Variants in ATP2B2 observed in about 807,000 individuals in gnomAD.
ATP2B2 encodes the protein ATPase plasma membrane Ca2+ transporting 2, also known as plasma membrane calcium-transporting ATPase 2.
ATP2B2 carries 15 observed loss-of-function variants against 120.0 expected under a neutral mutation model. That is an observed-to-expected ratio of 0.12 (90% CI 0.08 to 0.19). The LOEUF (loss-of-function observed/expected upper bound fraction) is 0.19, where lower values mean the gene tolerates loss of function less well. ATP2B2 is among the 10% of genes least tolerant of loss of function. ATP2B2 has a pLI of 1.00. For missense variants in ATP2B2, 1,045 were observed against 1,719.8 expected, an observed-to-expected ratio of 0.61 and a Z score of 6.94; for synonymous variants, 694 against 700.3, an observed-to-expected ratio of 0.99 and a Z score of 0.14.
rs753517594 is a variant in ATP2B2 at position 10,371,920 on chromosome 3, G to T, written c.1548C>A (p.Val516=). 6.2e-7 allele frequency: 1 copy of T among 1,614,194 alleles called. No individual in the cohort carries two copies. The change falls in exon 12 of 23, where the codon GTC becomes GTA. Residue 516 remains valine (V), a synonymous_variant. Transcript: ENST00000360273. ...TNRMTVVQAY[V]GDVHYKEIPD... is the part of the protein sequence containing the mutation. Reference sequence around the variant, plus strand: ...GGATCTCTTTATAGTGGACGTCGCCGACATAGGCCTGTACCACTGTCATGC... The same window carrying T: ...GGATCTCTTTATAGTGGACGTCGCCTACATAGGCCTGTACCACTGTCATGC...
At chr3:10,577,140 A>G (rs1417701455) in intron 2 of ATP2B2, among the ~76,000 whole-genome samples, 2 of 151,842 alleles carry the variant, frequency 1.3e-5, no homozygotes, top group East Asian at 1.9e-4. Context: ...ATGGAAGTCC[A>G]GGCACTGAGA....
rs1376807885 is a variant in ATP2B2, at chr3:10,691,308, T to A, written c.-460+16607A>T. Among the ~76,000 whole-genome samples the A allele has an allele frequency of 2.6e-5, 4 of 152,350 alleles. 1 individual carries two copies. The East Asian group carries it at 5.8e-4, about 22-fold the overall frequency. ...TGGATCATACCATGAAGAAAGGTAT[T>A]CTGTGCCATGAGTACGATGAGGTGG... On this transcript the variant is annotated intron_variant, in intron 1 of 21. Coordinates refer to the ATP2B2 transcript ENST00000646379.
intron 2 of ATP2B2, among the ~76,000 whole-genome samples, chr3:10,563,375 TGGC>T (rs1282664808): frequency 6.6e-6 from 1 of 152,232 alleles, no homozygotes; most frequent in African/African-American, 2.4e-5. Flanking sequence ...CACTAACTCC[TGGC>T]AAATCAATAA....
intron 1 of ATP2B2, among the ~76,000 whole-genome samples, chr3:10,461,341 C>T (rs527940164): frequency 6.6e-6 from 1 of 152,324 alleles, no homozygotes. Flanking sequence ...GGCAGAAAGC[C>T]AGAGATCTCT....
At chr3:10,442,909 C>T (rs1227060519) in intron 2 of ATP2B2, among the ~76,000 whole-genome samples, 1 of 152,228 alleles carries the variant, frequency 6.6e-6, no homozygotes. Flanking sequence ...GTTATGACCT[C>T]ATGTTACAGA....
chr3:10,409,792 T>C (rs1439456753), intron 3 of ATP2B2, among the ~76,000 whole-genome samples: 1 of 152,212 alleles, frequency 6.6e-6, no homozygotes, highest in Non-Finnish European at 1.5e-5. Context: ...TATGTGCTAT[T>C]AACTTTTAAT....
chr3:10,590,334 G>A (rs552445599), intron 2 of ATP2B2, among the ~76,000 whole-genome samples: 6 of 152,252 alleles, frequency 3.9e-5, no homozygotes, highest in Non-Finnish European at 8.8e-5. Context: ...TCTGTGCCTT[G>A]ATTAGGGTGG....
At chr3:10,453,868 ACACCCACCCATCCACCTGCCCACT>A (rs1200106606) in intron 1 of ATP2B2, among the ~76,000 whole-genome samples, 1 of 144,610 alleles carries the variant, frequency 6.9e-6, no homozygotes, top group Admixed American at 7.0e-5. Flanking sequence ...ATCAATCCAC[ACACCCACCCATCCACCTGCCCACT>A]CACCCACCCT....
chr3:10,692,826 C>T (rs950987436), intron 1 of ATP2B2, among the ~76,000 whole-genome samples: 14 of 129,512 alleles, frequency 1.1e-4, no homozygotes, highest in African/African-American at 3.6e-4. Context: ...GAGCCAGGAG[C>T]AGAGGAAAAT....
chr3:10,682,165 CAT>C (rs1411316060), intron 1 of ATP2B2, among the ~76,000 whole-genome samples: 13 of 152,260 alleles, frequency 8.5e-5, no homozygotes, highest in African/African-American at 3.1e-4. Context: ...ACCTCGAAGG[CAT>C]AGTGTTTCCA....
intron 2 of ATP2B2, among the ~76,000 whole-genome samples, chr3:10,547,422 G>A (rs142960056): frequency 7.9e-5 from 12 of 152,232 alleles, no homozygotes; most frequent in Non-Finnish European, 1.2e-4. Context: ...TTGACCACAC[G>A]CAACAGGGAG....
At chr3:10,436,827 C>T (rs921034799) in intron 2 of ATP2B2, among the ~76,000 whole-genome samples, 3 of 152,228 alleles carry the variant, frequency 2.0e-5, no homozygotes, top group Non-Finnish European at 4.4e-5. Context: ...CAGTCTCACC[C>T]TTCAGCCACA....
rs553792952 is a variant in ATP2B2, at chr3:10,346,255, G to T, written c.2405-118C>A. The T allele has an allele frequency of 4.2e-6, 4 of 952,144 alleles. No individual in the cohort carries two copies. The highest frequency in any genetic ancestry group is 2.4e-4 in the Middle Eastern group (1 of 4,216). The allele number at this position is 952,144 out of a possible 1,614,324, so 59.0% of individuals were successfully genotyped here. ...TGGCTTCCTCTCTGGTCCCTGTCCA[G>T]CCGCCCCCTCCATCCAGGCTCTTCC... On this transcript the variant is annotated intron_variant, in intron 16 of 22. Transcript: ENST00000360273. This position sits in a 1 kb window ranked among gnomAD's most constrained non-coding sequence, Gnocchi z 4.1.
At chr3:10,655,437 TAAA>T (rs2070595400) in intron 1 of ATP2B2, among the ~76,000 whole-genome samples, 2 of 152,080 alleles carry the variant, frequency 1.3e-5, no homozygotes, top group African/African-American at 2.4e-5. Context: ...TTCTATTTTG[TAAA>T]TTCCCTGGGT....
intron 3 of ATP2B2, among the ~76,000 whole-genome samples, chr3:10,525,482 C>G (rs1369880118): frequency 1.3e-5 from 2 of 152,146 alleles, no homozygotes; most frequent in Non-Finnish European, 2.9e-5. Context: ...AGAATGATAC[C>G]TTTCTCATAA....
At chr3:10,559,101 C>T (rs2067844248) in intron 2 of ATP2B2, among the ~76,000 whole-genome samples, 1 of 152,350 alleles carries the variant, frequency 6.6e-6, no homozygotes, top group East Asian at 1.9e-4. Flanking sequence ...TTTTGAAATG[C>T]AAGTCCCCCC....
chr3:10,471,590 C>T (rs1402282449), intron 1 of ATP2B2, among the ~76,000 whole-genome samples: 3 of 150,658 alleles, frequency 2.0e-5, no homozygotes, highest in African/African-American at 4.9e-5. Context: ...GGAAAGGAGG[C>T]GGAAGAGGGA....
intron 2 of ATP2B2, among the ~76,000 whole-genome samples, chr3:10,539,550 G>T (rs528207409): frequency 1.3e-5 from 2 of 152,112 alleles, no homozygotes; most frequent in East Asian, 3.9e-4. Context: ...CAGAGCCCTC[G>T]GAAATAATAC....
At chr3:10,338,380 A>T (rs2060184786) in intron 21 of ATP2B2, 22 bp from the exon 22 acceptor site, 1 of 1,613,940 alleles carries the variant, frequency 6.2e-7, no homozygotes, top group African/African-American at 1.3e-5. Flanking sequence ...CCTGTCTGTC[A>T]GGACGGTGGG....
Sources: allele counts gnomAD v4.1 joint callset (sites outside exome capture counted in the v4.1 genomes callset), GRCh38; gene constraint gnomAD v4.1.1; non-coding constraint Gnocchi (gnomAD v3.1); transcripts MANE v1.5; gene names NCBI Gene and HGNC (gene_info 2026-07-23, HGNC 2026-07-21).